Variants in CSTF3 observed in about 807,000 individuals in gnomAD.
CSTF3 encodes the protein CF-1 77 kDa subunit.
In CSTF3, 29 loss-of-function variants were observed where a neutral mutation model predicts 105.8. The ratio of observed to expected loss-of-function variants is 0.27; its 90% CI spans 0.20 to 0.37. CSTF3 has a LOEUF of 0.37. Among genes scored for constraint, CSTF3 ranks in the 10% least tolerant of loss-of-function variants. The probability of loss-of-function intolerance (pLI) is 1.00; values close to 1 mark genes in which losing one functional copy is unlikely to be tolerated. For missense variants in CSTF3, 357 were observed against 879.3 expected (o/e 0.41, Z 7.51); for synonymous variants, 252 against 281.9 (o/e 0.89, Z 1.06).
At chr11:33,118,241 T>C (rs1855453785) in intron 3 of CSTF3, among the ~76,000 whole-genome samples, 1 of 151,866 alleles carries the variant, frequency 6.6e-6, no homozygotes, top group Admixed American at 6.6e-5. Flanking sequence ...CCTATGAGGA[T>C]TTAAAAAGTT....
rs1483951130 is a variant in CSTF3 at position 33,125,717 on chromosome 11, C to T, written c.225+15950G>A. 2.6e-5 allele frequency among the ~76,000 whole-genome samples: 4 copies of T among 152,234 alleles called. No individual in the cohort carries two copies. In the East Asian group the frequency reaches 7.7e-4, roughly 29 times the overall value. ...AAAGGATATCCCATTGGACACTGTA[C>T]CTTGGGCAGGCCTTGGGTTTTGACT... On this transcript the variant is annotated intron_variant, in intron 3 of 20. Transcript: ENST00000323959.
Position 33,099,585 on chromosome 11 carries a change from G to A in CSTF3, c.936+23C>T, listed in dbSNP as rs1203540864. On this transcript the variant is annotated intron_variant, in intron 11 of 20. Transcript: ENST00000323959. This position sits in a 1 kb window ranked among gnomAD's most constrained non-coding sequence, Gnocchi z 4.1. ...ATCAAAACCACAAAAATATCAAAGT[G>A]GGGATAGGGAAGGAACACTTACTCC... 7.6e-6 allele frequency: 11 copies of A among 1,439,734 alleles called. No individual in the cohort carries two copies. The highest frequency in any genetic ancestry group is 1.9e-5 in the Admixed American group (1 of 52,148). The allele number at this position is 1,439,734 out of a possible 1,614,324, so 89.2% of individuals were successfully genotyped here. A position where few individuals can be genotyped will look rare whatever the true frequency, so the allele number is the denominator to read the frequency against.
chr11:33,124,052 C>CA (rs1215218196), intron 3 of CSTF3, among the ~76,000 whole-genome samples: 38 of 151,916 alleles, frequency 2.5e-4, no homozygotes, highest in Admixed American at 2.4e-3. Flanking sequence ...TTAAAATTTG[C>CA]AAAAAATGTA....
chr11:33,158,626 C>T (rs958544093), intron 1 of CSTF3, among the ~76,000 whole-genome samples: 3 of 152,030 alleles, frequency 2.0e-5, no homozygotes, highest in Admixed American at 2.0e-4. Context: ...ATGAGATCAC[C>T]CTAAACCAAG....
chr11:33,108,129 T>C, intron 4 of CSTF3, 129 bp from the exon 5 acceptor site: 2 of 612,716 alleles, frequency 3.3e-6, no homozygotes, highest in Non-Finnish European at 5.2e-6. Flanking sequence ...AAAAAGCAAA[T>C]AATTTCCCCA....
chr11:33,114,746 G>A (rs939412250), intron 3 of CSTF3, among the ~76,000 whole-genome samples: 2 of 152,074 alleles, frequency 1.3e-5, no homozygotes, highest in Non-Finnish European at 2.9e-5. Context: ...AGCTACTTGG[G>A]AGGCTGAGGC....
At position 33,097,416 on chromosome 11, in the gene CSTF3, C is replaced by G. The variant is rs577000196; in HGVS notation, c.1129-438G>C. On this transcript the variant is annotated intron_variant, in intron 13 of 20. Coordinates refer to ENST00000323959, the MANE Select transcript of CSTF3 (RefSeq NM_001326.3). The stretch of plus-strand genomic sequence containing the variant: ...ACGGAGTCTCGCTCTGTTGCCCAGG[C>G]TGGAGTGCAGTGGTGCGATCTTGGC... Among the ~76,000 whole-genome samples the G allele has an allele frequency of 7.9e-5, 12 of 152,230 alleles. No individual in the cohort carries two copies. In the East Asian group the frequency reaches 2.3e-3, roughly 29 times the overall value.
intron 3 of CSTF3, among the ~76,000 whole-genome samples, chr11:33,122,068 A>G (rs1855495043): frequency 6.6e-6 from 1 of 152,176 alleles, no homozygotes; most frequent in South Asian, 2.1e-4. Flanking sequence ...CCATCATCCT[A>G]CTGCAAAATG....
In CSTF3 at chr11:33,085,701, T is replaced by A; in HGVS notation, c.1951+12A>T. 1 of 1,601,148 alleles carries A rather than the reference T, an allele frequency of 6.2e-7. No homozygotes were observed. Among genetic ancestry groups the A allele is most frequent in the Non-Finnish European group, 8.6e-7 (1 of 1,169,056 alleles). ...TGGAATGACACTCTGAAATGGAGCTTCTGTTACTTACTATTTGGTATCTTG... is the reference window on the plus strand; with the variant it reads ...TGGAATGACACTCTGAAATGGAGCTACTGTTACTTACTATTTGGTATCTTG... On this transcript the variant is annotated intron_variant, in intron 20 of 20. Transcript: ENST00000323959.
chr11:33,148,225 C>A (rs991490361), intron 1 of CSTF3, among the ~76,000 whole-genome samples: 7 of 152,132 alleles, frequency 4.6e-5, no homozygotes, highest in Non-Finnish European at 2.9e-5. Flanking sequence ...TCAAATGAGC[C>A]AGCCCTTTAG....
intron 13 of CSTF3, among the ~76,000 whole-genome samples, chr11:33,097,725 T>C (rs1213454960): frequency 6.6e-6 from 1 of 152,190 alleles, no homozygotes; most frequent in Non-Finnish European, 1.5e-5. Flanking sequence ...CACTACTCTA[T>C]TTTCCGAACA....
At chr11:33,138,830 T>A (rs527284059) in intron 3 of CSTF3, among the ~76,000 whole-genome samples, 1 of 151,978 alleles carries the variant, frequency 6.6e-6, no homozygotes, top group South Asian at 2.1e-4. Flanking sequence ...GTATTATATA[T>A]AACACCAAAG....
At position 33,088,755 on chromosome 11, in the gene CSTF3, C is replaced by T. The variant is rs150463775; in HGVS notation, c.1642-1614G>A. Among the ~76,000 whole-genome samples, 463 of 151,614 alleles carry T rather than the reference C, an allele frequency of 3.1e-3. 2 individuals are homozygous for T. Among genetic ancestry groups the T allele is most frequent in the African/African-American group, 0.011 (441 of 41,330 alleles). ...CCGAATAGCTGGGACCACAGGCAGG[C>T]GCCACCACACCTGGCTAATTTTTGT... On this transcript the variant is annotated intron_variant, in intron 17 of 20. Coordinates refer to ENST00000323959, the MANE Select transcript of CSTF3 (RefSeq NM_001326.3).
chr11:33,099,176 C>T lies in CSTF3; in HGVS notation c.937-26G>A, dbSNP rs759997999. On this transcript the variant is annotated intron_variant, in intron 11 of 20. Transcript: ENST00000323959. The surrounding 1 kb of genome is among the most constrained non-coding windows in gnomAD (Gnocchi z 4.1). ...CTGGTAGAAAAAAAAGAAAGCTCAT[C>T]TTCAATAATTTTAATATAGTTGTGA... 1.9e-6 allele frequency: 3 copies of T among 1,566,240 alleles called. No homozygotes were observed. In the Admixed American group the frequency reaches 6.9e-5, roughly 36 times the overall value.
intron 15 of CSTF3, among the ~76,000 whole-genome samples, chr11:33,095,964 T>TTTTGTTTG (rs60165214): frequency 6.6e-6 from 1 of 151,708 alleles, no homozygotes; most frequent in South Asian, 2.1e-4. Context: ...CTAGAGGGTT[T>TTTTGTTTG]TTTGTTTGTT....
intron 1 of CSTF3, among the ~76,000 whole-genome samples, chr11:33,157,101 C>A (rs1849876441): frequency 6.6e-6 from 1 of 151,924 alleles, no homozygotes; most frequent in Non-Finnish European, 1.5e-5. Context: ...GCCTGTAATC[C>A]CAGCACTTTG....
chr11:33,096,412 C>A lies in CSTF3; in HGVS notation c.1273-4G>T. 2.6e-6 allele frequency: 4 copies of A among 1,563,174 alleles called. No homozygotes were observed. The highest frequency in any genetic ancestry group is 3.5e-6 in the Non-Finnish European group (4 of 1,152,242). ...TCTTAAAGGCAACAGATTTGTCCTA[C>A]AAGTAAAGAAAGTAAAGTACAGATT... On this transcript the variant is annotated splice_polypyrimidine_tract_variant and splice_region_variant and intron_variant, in intron 14 of 20. Transcript: ENST00000323959.
chr11:33,128,836 G>C (rs1855570395), intron 3 of CSTF3, among the ~76,000 whole-genome samples: 1 of 152,000 alleles, frequency 6.6e-6, no homozygotes, highest in Admixed American at 6.6e-5. Context: ...ATCAAATAAA[G>C]CATGTTTTCT....
intron 16 of CSTF3, among the ~76,000 whole-genome samples, chr11:33,091,285 G>A (rs192940051): frequency 9.2e-5 from 14 of 152,234 alleles, no homozygotes; most frequent in African/African-American, 2.6e-4. Flanking sequence ...GTGCCTCATC[G>A]TTGTTCTAAC....
Sources: allele counts gnomAD v4.1 joint callset (sites outside exome capture counted in the v4.1 genomes callset), GRCh38; gene constraint gnomAD v4.1.1; non-coding constraint Gnocchi (gnomAD v3.1); transcripts MANE v1.5; gene names NCBI Gene and HGNC (gene_info 2026-07-23, HGNC 2026-07-21).